Variants in LATS2 observed in about 807,000 individuals in gnomAD.
The protein encoded by LATS2 is serine/threonine-protein kinase LATS2.
A neutral mutation model predicts 76.0 loss-of-function variants in LATS2; 24 were observed. That is an observed-to-expected ratio of 0.32 (90% CI 0.23 to 0.44). The LOEUF (loss-of-function observed/expected upper bound fraction) is 0.44. Among genes scored for constraint, LATS2 ranks in the 20% least tolerant of loss-of-function variants. LATS2 has a pLI of 1.00. For synonymous variants in LATS2, 692 were observed against 635.4 expected (o/e 1.09, Z -1.34); for missense variants, 1,286 against 1,481.2 (o/e 0.87, Z 2.16).
chr13:20,981,397 C>A, intron 6 of LATS2, 69 bp downstream of exon 6: 1 of 1,414,664 alleles, frequency 7.1e-7, no homozygotes. Flanking sequence ...AAGCTAGAGC[C>A]AGCGAGACTC....
In LATS2 at chr13:20,988,613, C is replaced by T. The variant is rs1870317047; in HGVS notation, c.1167G>A (p.Pro389=). 5 of 1,588,944 alleles carry T rather than the reference C, an allele frequency of 3.1e-6. No homozygotes were observed. Among genetic ancestry groups the T allele is most frequent in the Non-Finnish European group, 4.3e-6 (5 of 1,175,774 alleles). The change falls in exon 4 of 8, where the codon CCG becomes CCA. Residue 389 remains proline (P), a synonymous_variant. Coordinates refer to ENST00000382592, the MANE Select transcript of LATS2 (RefSeq NM_014572.3). Reference sequence around the variant, plus strand: ...GCCGGAAGGCCACGTGCGCGCGCGGCGGCGCCTCCAGGCCCGGCTTCTGCA... The same window carrying T: ...GCCGGAAGGCCACGTGCGCGCGCGGTGGCGCCTCCAGGCCCGGCTTCTGCA... ...DSLQKPGLEA[P]PRAHVAFRPD... is the part of the protein sequence containing the mutation.
chr13:20,996,896 T>G (rs879698573), intron 2 of LATS2, among the ~76,000 whole-genome samples: 1 of 152,144 alleles, frequency 6.6e-6, no homozygotes, highest in Non-Finnish European at 1.5e-5. Context: ...AAATGAAAAA[T>G]TATTTTGTCA....
rs181692095 is a variant in LATS2, at chr13:21,031,881, A to C, written c.342+13804T>G. ...AAAAAAAATTTTCTGTCTGTGCATC[A>C]CTAACCCTGTATTTTCTCTTAATTC... is the stretch of plus-strand genomic sequence containing the variant. On this transcript the variant is annotated intron_variant, in intron 2 of 7. Transcript: ENST00000382592. Among the ~76,000 whole-genome samples, 26 of 152,256 alleles carry C rather than the reference A, an allele frequency of 1.7e-4. 1 individual carries two copies. In the East Asian group the frequency reaches 3.1e-3, roughly 18 times the overall value.
intron 2 of LATS2, among the ~76,000 whole-genome samples, chr13:21,004,845 C>T (rs1180013314): frequency 6.6e-6 from 1 of 152,166 alleles, no homozygotes; most frequent in African/African-American, 2.4e-5. Flanking sequence ...AACAGGTACA[C>T]TAAAATTTGG....
intron 2 of LATS2, among the ~76,000 whole-genome samples, chr13:21,000,379 A>AT (rs1870987625): frequency 7.2e-6 from 1 of 138,258 alleles, no homozygotes; most frequent in Non-Finnish European, 1.6e-5. Context: ...AGACTCTGTC[A>AT]TAATAATAAT....
At position 21,036,629 on chromosome 13, in the gene LATS2, C is replaced by T. The variant is rs1165520049; in HGVS notation, c.342+9056G>A. On this transcript the variant is annotated intron_variant, in intron 2 of 7. Coordinates refer to ENST00000382592, the MANE Select transcript of LATS2 (RefSeq NM_014572.3). ...CTCTACTAAAAATACAAAAATTAGC[C>T]CGGCATGGTGGCGCGTGCCTGTAAT... 4.0e-5 allele frequency among the ~76,000 whole-genome samples: 6 copies of T among 151,874 alleles called. No homozygotes were observed. The East Asian group carries it at 5.9e-4, about 15-fold the overall frequency.
intron 1 of LATS2, among the ~76,000 whole-genome samples, chr13:21,047,290 C>T (rs143377449): frequency 6.0e-4 from 92 of 152,284 alleles, no homozygotes; most frequent in African/African-American, 2.2e-3. Flanking sequence ...GTAATAGAGA[C>T]GGATGCTTAG....
chr13:20,999,495 G>T (rs192560018), intron 2 of LATS2, among the ~76,000 whole-genome samples: 1 of 152,008 alleles, frequency 6.6e-6, no homozygotes, highest in Admixed American at 6.5e-5. Context: ...TTTTGACAGG[G>T]TCTTGCTCTG....
intron 2 of LATS2, among the ~76,000 whole-genome samples, chr13:21,013,223 G>T (rs59914654): frequency 0.01 from 1,531 of 152,274 alleles, 19 homozygotes; most frequent in African/African-American, 0.035. Flanking sequence ...TGACCATGAA[G>T]CAGGCTGCCT....
chr13:20,988,790 C>T lies in LATS2; in HGVS notation c.990G>A (p.Val330=). ...QAGPAAHQLH[V]LGSRSQVFAS... is the part of the protein sequence containing the mutation. ...CGAACACCTGGCTGCGGGAGCCCAGCACATGCAGCTGGTGGGCCGCGGGAC... is the reference window on the plus strand; with the variant it reads ...CGAACACCTGGCTGCGGGAGCCCAGTACATGCAGCTGGTGGGCCGCGGGAC... Residue 330 remains valine (V), a synonymous_variant, in exon 4 of 8, where the codon GTG becomes GTA. Coordinates refer to ENST00000382592, the MANE Select transcript of LATS2 (RefSeq NM_014572.3). 6.3e-7 allele frequency: 1 copy of T among 1,593,766 alleles called. No homozygotes were observed. Among genetic ancestry groups the T allele is most frequent in the Non-Finnish European group, 8.5e-7 (1 of 1,176,102 alleles).
At chr13:20,981,773 T>A in intron 5 of LATS2, 125 bp from the exon 6 acceptor site, 1 of 794,128 alleles carries the variant, frequency 1.3e-6, no homozygotes, top group Non-Finnish European at 1.9e-6. Flanking sequence ...TCCTGACATA[T>A]CAGGACAGAG....
chr13:21,023,877 G>C (rs1378113964), intron 2 of LATS2, among the ~76,000 whole-genome samples: 2 of 151,666 alleles, frequency 1.3e-5, no homozygotes, highest in Non-Finnish European at 2.9e-5. Context: ...GGAGGCTGAG[G>C]CAGGAGAATC....
chr13:21,043,016 A>C (rs1189025960), intron 2 of LATS2, among the ~76,000 whole-genome samples: 4 of 149,512 alleles, frequency 2.7e-5, no homozygotes, highest in Non-Finnish European at 4.4e-5. Context: ...AAACAGTAGG[A>C]GTGAAAGGGG....
intron 2 of LATS2, among the ~76,000 whole-genome samples, chr13:21,028,727 C>G (rs1042227342): frequency 1.3e-5 from 2 of 152,118 alleles, no homozygotes; most frequent in South Asian, 4.1e-4. Flanking sequence ...TGCACCACCA[C>G]GCCCTGCTAA....
chr13:21,040,241 GC>G (rs1872822140), intron 2 of LATS2, among the ~76,000 whole-genome samples: 1 of 151,966 alleles, frequency 6.6e-6, no homozygotes, highest in South Asian at 2.1e-4. Context: ...AGAAAAATTA[GC>G]CAGACATGGT....
intron 6 of LATS2, among the ~76,000 whole-genome samples, chr13:20,980,480 G>A (rs1869821930): frequency 6.6e-6 from 1 of 152,230 alleles, no homozygotes; most frequent in Non-Finnish European, 1.5e-5. Flanking sequence ...AAACTGGGAT[G>A]TTAAGAGGTC....
At chr13:21,035,624 C>T (rs1257978311) in intron 2 of LATS2, among the ~76,000 whole-genome samples, 4 of 152,176 alleles carry the variant, frequency 2.6e-5, no homozygotes, top group East Asian at 3.8e-4. Context: ...CAGCAGTAAA[C>T]GTTTGGTGTG....
chr13:20,988,051 G>A lies in LATS2; in HGVS notation c.1729C>T (p.Pro577Ser). ...CTGCTGTTTTTGCGGACGGGAACGGGAGAGGTCTGAATCTGCTTTTTATCC... is the reference window on the plus strand; with the variant it reads ...CTGCTGTTTTTGCGGACGGGAACGGAAGAGGTCTGAATCTGCTTTTTATCC... ...GKDKKQIQTS[P>S]VPVRKNSRDE... The change falls in exon 4 of 8, where the codon CCC (proline) becomes TCC (serine). Residue 577 changes from proline (P) to serine (S), a missense_variant. Transcript: ENST00000382592. 1 of 1,614,250 alleles carries A rather than the reference G, an allele frequency of 6.2e-7. No homozygotes were observed. The highest frequency in any genetic ancestry group is 8.5e-7 in the Non-Finnish European group (1 of 1,180,040).
chr13:20,977,341 G>T (rs1017059479), intron 7 of LATS2, among the ~76,000 whole-genome samples: 18 of 150,586 alleles, frequency 1.2e-4, no homozygotes, highest in Admixed American at 5.3e-4. Context: ...AGCCAAGATT[G>T]TGCCACTGCA....
Sources: gnomAD v4.1 joint callset for allele counts (sites outside exome capture counted in the v4.1 genomes callset) on GRCh38, gnomAD v4.1.1 for gene constraint, MANE v1.5 for transcripts, NCBI Gene and HGNC (gene_info 2026-07-23, HGNC 2026-07-21) for gene names.